SPAG16: variants seen among roughly 807,000 people sequenced by gnomAD.
SPAG16 encodes the protein sperm associated antigen 16, also known as sperm-associated antigen 16 protein.
A neutral mutation model predicts 80.4 loss-of-function variants in SPAG16; 86 were observed. The ratio of observed to expected loss-of-function variants is 1.07; its 90% CI spans 0.90 to 1.28. The LOEUF (loss-of-function observed/expected upper bound fraction) is 1.28. Ranked by LOEUF, SPAG16 falls within the 50% of genes most tolerant of loss-of-function variation. The probability of loss-of-function intolerance (pLI) is 0.00; values close to 1 mark genes in which losing one functional copy is unlikely to be tolerated. For synonymous variants in SPAG16, 294 were observed against 265.9 expected (o/e 1.11, Z -1.03); for missense variants, 870 against 765.3 (o/e 1.14, Z -1.61).
intron 13 of SPAG16, among the ~76,000 whole-genome samples, chr2:214,082,184 TG>T (rs1469058726): frequency 1.3e-5 from 2 of 152,204 alleles, no homozygotes; most frequent in African/African-American, 2.4e-5. Context: ...CCTTCATTTC[TG>T]GCTCCTACTG....
chr2:213,949,163 A>T (rs1407290484), intron 12 of SPAG16, among the ~76,000 whole-genome samples: 2 of 107,814 alleles, frequency 1.9e-5, no homozygotes, highest in African/African-American at 5.8e-5. Context: ...CTACTTAATT[A>T]CAACAGTTTT....
At chr2:214,008,762 A>G (rs894762963) in intron 12 of SPAG16, among the ~76,000 whole-genome samples, 123 of 151,444 alleles carry the variant, frequency 8.1e-4, no homozygotes, top group African/African-American at 2.9e-3. Context: ...AAAAAAAAAT[A>G]CATGCTAGAT....
intron 15 of SPAG16, among the ~76,000 whole-genome samples, chr2:214,292,527 G>A (rs949706192): frequency 4.6e-5 from 7 of 151,078 alleles, no homozygotes; most frequent in South Asian, 2.1e-4. Flanking sequence ...ATAACTATTC[G>A]GAAAATTTCT....
intron 1 of SPAG16, among the ~76,000 whole-genome samples, chr2:213,289,453 C>T (rs1575082472): frequency 6.6e-6 from 1 of 152,182 alleles, no homozygotes; most frequent in South Asian, 2.1e-4. Context: ...TTGGTAGTGG[C>T]TCCCTGGTAT....
At chr2:213,374,452 T>C (rs2066788983) in intron 8 of SPAG16, among the ~76,000 whole-genome samples, 1 of 152,050 alleles carries the variant, frequency 6.6e-6, no homozygotes, top group African/African-American at 2.4e-5. Context: ...TGTAGAAAAA[T>C]GTGAGAGACT....
intron 10 of SPAG16, among the ~76,000 whole-genome samples, chr2:213,769,838 A>G (rs546365601): frequency 6.6e-6 from 1 of 152,298 alleles, no homozygotes; most frequent in South Asian, 2.1e-4. Flanking sequence ...TCTTTAACAA[A>G]TTCATATACC....
At chr2:213,694,420 C>G (rs888937215) in intron 10 of SPAG16, among the ~76,000 whole-genome samples, 11 of 152,182 alleles carry the variant, frequency 7.2e-5, no homozygotes, top group Admixed American at 3.3e-4. Flanking sequence ...TATTAATTAA[C>G]ACTATCATTC....
chr2:213,388,215 T>C (rs183930766), intron 9 of SPAG16, among the ~76,000 whole-genome samples: 13 of 152,318 alleles, frequency 8.5e-5, no homozygotes, highest in Admixed American at 8.5e-4. Flanking sequence ...CCTGCAAATA[T>C]CAGGGATCTG....
At chr2:213,547,444 A>C (rs1442918148) in intron 10 of SPAG16, among the ~76,000 whole-genome samples, 1 of 152,126 alleles carries the variant, frequency 6.6e-6, no homozygotes, top group East Asian at 1.9e-4. Flanking sequence ...GTTTCATTTA[A>C]AAGAGCTCTT....
Position 214,068,473 on chromosome 2 carries a change from T to C in SPAG16, c.1528-39723T>C, listed in dbSNP as rs572407530. Among the ~76,000 whole-genome samples, 260 of 152,288 alleles carry C rather than the reference T, an allele frequency of 1.7e-3. 1 individual carries two copies. Among genetic ancestry groups the C allele is most frequent in the African/African-American group, 1.0e-3 (43 of 41,578 alleles). Reference sequence around the variant, plus strand: ...AACCATGGTTCCCACATAGTACTCATGGAGGTGGCCATGGTTTTTATTTTC... The same window carrying C: ...AACCATGGTTCCCACATAGTACTCACGGAGGTGGCCATGGTTTTTATTTTC... On this transcript the variant is annotated intron_variant, in intron 13 of 15. Transcript: ENST00000331683.
intron 15 of SPAG16, among the ~76,000 whole-genome samples, chr2:214,382,343 G>T (rs376283146): frequency 1.3e-5 from 2 of 152,198 alleles, no homozygotes; most frequent in South Asian, 2.1e-4. Flanking sequence ...GTGAAGAAAT[G>T]CACAGTATCT....
At chr2:213,974,867 A>G (rs2045277665) in intron 12 of SPAG16, among the ~76,000 whole-genome samples, 1 of 151,578 alleles carries the variant, frequency 6.6e-6, no homozygotes, top group African/African-American at 2.4e-5. Flanking sequence ...TCAGGCTCAC[A>G]GATTTTGACC....
At chr2:213,741,171 T>C (rs2067534107) in intron 10 of SPAG16, among the ~76,000 whole-genome samples, 1 of 152,194 alleles carries the variant, frequency 6.6e-6, no homozygotes, top group Non-Finnish European at 1.5e-5. Flanking sequence ...TAAGAATATA[T>C]GATAAAAATC....
At chr2:213,407,614 AGAGAGAG>A (rs2068693158) in intron 9 of SPAG16, among the ~76,000 whole-genome samples, 3 of 129,040 alleles carry the variant, frequency 2.3e-5, no homozygotes, top group Non-Finnish European at 5.4e-5. Context: ...AGAGAGAGAG[AGAGAGAG>A]AGAGAGAGAG....
chr2:213,357,068 T>C (rs191802788), intron 7 of SPAG16, among the ~76,000 whole-genome samples: 18 of 152,254 alleles, frequency 1.2e-4, no homozygotes, highest in Non-Finnish European at 1.6e-4. Flanking sequence ...TTTGAGTGAG[T>C]TTCTTAATCC....
At chr2:214,001,986 T>C (rs550858617) in intron 12 of SPAG16, among the ~76,000 whole-genome samples, 2 of 152,294 alleles carry the variant, frequency 1.3e-5, no homozygotes, top group East Asian at 3.9e-4. Flanking sequence ...TGGCTGAATG[T>C]GAAAGGCACA....
At chr2:214,365,434 A>G (rs542917582) in intron 15 of SPAG16, among the ~76,000 whole-genome samples, 1 of 152,180 alleles carries the variant, frequency 6.6e-6, no homozygotes, top group Non-Finnish European at 1.5e-5. Context: ...ATGTGATCTA[A>G]CAGTTGAAGC....
At chr2:213,307,023 A>G (rs1352076490) in intron 3 of SPAG16, among the ~76,000 whole-genome samples, 3 of 152,164 alleles carry the variant, frequency 2.0e-5, no homozygotes, top group South Asian at 4.1e-4. Context: ...CTATTCAGCC[A>G]TCTTGAACTG....
chr2:214,290,532 A>T (rs1238297576), intron 15 of SPAG16, among the ~76,000 whole-genome samples: 1 of 152,128 alleles, frequency 6.6e-6, no homozygotes, highest in African/African-American at 2.4e-5. Flanking sequence ...TGTCCCTTTT[A>T]GCACTGCTTT....
Sources: allele counts gnomAD v4.1 joint callset (sites outside exome capture counted in the v4.1 genomes callset), GRCh38; gene constraint gnomAD v4.1.1; transcripts MANE v1.5; gene names NCBI Gene and HGNC (gene_info 2026-07-23, HGNC 2026-07-21).